HORMAD2: variants seen among roughly 807,000 people sequenced by gnomAD.
HORMAD2 encodes the protein HORMA domain containing 2, also known as HORMA domain-containing protein 2.
A neutral mutation model predicts 38.8 loss-of-function variants in HORMAD2; 45 were observed. The ratio of observed to expected loss-of-function variants is 1.16; its 90% CI spans 0.91 to 1.49. The LOEUF (loss-of-function observed/expected upper bound fraction) is 1.49. HORMAD2 is among the 40% of genes most tolerant of loss of function. The probability of loss-of-function intolerance (pLI) is 0.00; values close to 1 mark genes in which losing one functional copy is unlikely to be tolerated. For missense variants in HORMAD2, 338 were observed against 367.0 expected, an observed-to-expected ratio of 0.92 and a Z score of 0.65; for synonymous variants, 126 against 122.8, an observed-to-expected ratio of 1.03 and a Z score of -0.17.
rs1395017263 is a variant in HORMAD2, at chr22:30,146,120, A to T, written c.819+23906A>T. Among the ~76,000 whole-genome samples, 8 of 152,246 alleles carry T rather than the reference A, an allele frequency of 5.3e-5. No homozygotes were observed. The South Asian group carries it at 1.0e-3, about 20-fold the overall frequency. On this transcript the variant is annotated intron_variant, in intron 10 of 10. Coordinates refer to ENST00000336726, the MANE Select transcript of HORMAD2 (RefSeq NM_152510.4). ...AATTCCCCATGTTACAGAATGAAGG[A>T]GAAGAACCACATGATCATCTCTATA...
the HORMAD2 span, among the ~76,000 whole-genome samples, chr22:30,203,090 A>G: frequency 1.3e-5 from 2 of 152,140 alleles, no homozygotes; most frequent in Non-Finnish European, 2.9e-5. Flanking sequence ...TTTTGACCAT[A>G]TGAGGAGACA....
At chr22:30,094,079 G>T (rs1021174860) in intron 2 of HORMAD2, 76 bp downstream of exon 2, 1 of 1,105,014 alleles carries the variant, frequency 9.0e-7, no homozygotes, top group Non-Finnish European at 1.3e-6. Flanking sequence ...AATCTTTTGT[G>T]TGTGTGTTTT....
intron 2 of HORMAD2, among the ~76,000 whole-genome samples, chr22:30,097,917 G>A (rs1397623700): frequency 3.3e-5 from 5 of 152,164 alleles, no homozygotes; most frequent in Admixed American, 1.3e-4. Context: ...CAGTGAGCAG[G>A]GAAAGGAGAA....
intron 10 of HORMAD2, among the ~76,000 whole-genome samples, chr22:30,124,653 T>A (rs942247881): frequency 6.6e-6 from 1 of 152,126 alleles, no homozygotes; most frequent in Non-Finnish European, 1.5e-5. Context: ...ACTTCAAAGT[T>A]GAGATTTAGC....
At chr22:30,161,918 A>C (rs1175446826) in intron 10 of HORMAD2, among the ~76,000 whole-genome samples, 2 of 152,206 alleles carry the variant, frequency 1.3e-5, no homozygotes, top group Non-Finnish European at 2.9e-5. Flanking sequence ...TCATATTTTT[A>C]AGTTTAATTA....
upstream of HORMAD2, among the ~76,000 whole-genome samples, chr22:30,079,117 G>T (rs1458793129): frequency 6.7e-6 from 1 of 150,178 alleles, no homozygotes; most frequent in Admixed American, 6.6e-5. Context: ...AACTTGAATA[G>T]TTTTTTTTTT....
chr22:30,093,177 T>C (rs1476205925), intron 1 of HORMAD2, among the ~76,000 whole-genome samples: 1 of 152,214 alleles, frequency 6.6e-6, no homozygotes, highest in East Asian at 1.9e-4. Context: ...TTCATCAGTG[T>C]TCTGTAGTTT....
intron 8 of HORMAD2, among the ~76,000 whole-genome samples, chr22:30,121,337 C>T (rs1291372194): frequency 6.6e-6 from 1 of 152,116 alleles, no homozygotes; most frequent in Non-Finnish European, 1.5e-5. Flanking sequence ...ATATTAGATG[C>T]CAGGTCACCT....
Position 30,111,686 on chromosome 22 carries a change from C to A in HORMAD2, c.295-110C>A, listed in dbSNP as rs1044503954. The A allele has an allele frequency of 1.1e-4, 95 of 857,152 alleles. 1 individual carries two copies. The Admixed American group carries it at 2.8e-3, about 25-fold the overall frequency. 53.1% of individuals were successfully genotyped at this position (857,152 alleles called of 1,614,324 possible). On this transcript the variant is annotated intron_variant, in intron 5 of 10. Coordinates refer to ENST00000336726, the MANE Select transcript of HORMAD2 (RefSeq NM_152510.4). ...GGCCTTCTGGATATTTTTTTCCTAC[C>A]CAAATCTTTCGAACCTCTCTGAAAT...
At chr22:30,087,975 CTA>C (rs1159857183) in intron 1 of HORMAD2, among the ~76,000 whole-genome samples, 1 of 150,706 alleles carries the variant, frequency 6.6e-6, no homozygotes, top group African/African-American at 2.4e-5. Flanking sequence ...CTCTCTCTCT[CTA>C]TATATATACA....
rs569300166 is a variant in HORMAD2 at position 30,121,630 on chromosome 22, A to G, written c.411-2A>G. 3 of 1,578,300 alleles carry G rather than the reference A, an allele frequency of 1.9e-6. No homozygotes were observed. The Admixed American group carries it at 5.7e-5, about 30-fold the overall frequency. ...AAAAAGTATGCTTTTTTTTCTGTGT[A>G]GTCATAGCAGCAGTACAAGCTTTGA... On this transcript the variant is annotated splice_acceptor_variant, in intron 8 of 10. Transcript: ENST00000336726. LOFTEE classifies it high-confidence loss of function.
At chr22:30,141,621 G>A (rs905326564) in intron 10 of HORMAD2, among the ~76,000 whole-genome samples, 7 of 144,270 alleles carry the variant, frequency 4.9e-5, no homozygotes, top group African/African-American at 1.8e-4. Context: ...TTGAGACGGA[G>A]TCTTGCTCTG....
intron 10 of HORMAD2, among the ~76,000 whole-genome samples, chr22:30,129,217 C>CAAAAAAAAAAAAAAAAAA (rs750796623): frequency 4.4e-5 from 1 of 22,650 alleles, no homozygotes; most frequent in East Asian, 2.0e-3. Flanking sequence ...GACTCTATCT[C>CAAAAAAAAAAAAAAAAAA]AAAAAAAAAA....
At chr22:30,193,578 A>G in the HORMAD2 span, among the ~76,000 whole-genome samples, 1 of 152,186 alleles carries the variant, frequency 6.6e-6, no homozygotes, top group Non-Finnish European at 1.5e-5. Flanking sequence ...GGCCATATGA[A>G]GAGGAAGGAC....
At position 30,121,989 on chromosome 22, in the gene HORMAD2, C is replaced by T. The variant is rs1413041722; in HGVS notation, c.594C>T (p.Leu198=). 6 of 1,611,482 alleles carry T rather than the reference C, an allele frequency of 3.7e-6. No individual in the cohort carries two copies. Among genetic ancestry groups the T allele is most frequent in the South Asian group, 2.2e-5 (2 of 90,752 alleles). ...NAVTPHDYQP[L]GFKEGVNSHF... ...TGACCCCACATGATTACCAACCCCT[C>T]GGTTTTAAAGAAGGGGTAAATTCAC... The change falls in exon 10 of 11, where the codon CTC becomes CTT. Residue 198 remains leucine (L), a synonymous_variant. Transcript: ENST00000336726.
At chr22:30,123,643 G>GTATTTATT (rs71198526) in intron 10 of HORMAD2, among the ~76,000 whole-genome samples, 51 of 145,370 alleles carry the variant, frequency 3.5e-4, no homozygotes, top group South Asian at 1.6e-3. Flanking sequence ...CCTCAGCTAG[G>GTATTTATT]TATTTATTTA....
chr22:30,175,212 A>ATG (rs899817052), intron 10 of HORMAD2, among the ~76,000 whole-genome samples: 2 of 132,844 alleles, frequency 1.5e-5, no homozygotes, highest in African/African-American at 5.5e-5. Flanking sequence ...AAATATATAT[A>ATG]TTATATATTA....
chr22:30,167,258 TGC>T (rs1202676242), intron 10 of HORMAD2, among the ~76,000 whole-genome samples: 18 of 152,330 alleles, frequency 1.2e-4, no homozygotes, highest in Admixed American at 1.0e-3. Flanking sequence ...AGGGTCCACC[TGC>T]ATAATTAAGA....
At chr22:30,119,327 C>G (rs1601538391) in intron 8 of HORMAD2, among the ~76,000 whole-genome samples, 1 of 152,190 alleles carries the variant, frequency 6.6e-6, no homozygotes, top group African/African-American at 2.4e-5. Flanking sequence ...AAGGCTCTGT[C>G]TAGCCATTAA....
Sources: allele counts gnomAD v4.1 joint callset (sites outside exome capture counted in the v4.1 genomes callset), GRCh38; gene constraint gnomAD v4.1.1; transcripts MANE v1.5; gene names NCBI Gene and HGNC (gene_info 2026-07-23, HGNC 2026-07-21).